The following MYO16 variants were observed in gnomAD, a reference collection of about 807,000 sequenced individuals.
The protein encoded by MYO16 is unconventional myosin-XVI.
In MYO16, 94 loss-of-function variants were observed where a neutral mutation model predicts 205.3. The observed-to-expected ratio is 0.46, with a 90% CI of 0.39 to 0.54. The LOEUF (loss-of-function observed/expected upper bound fraction) is 0.54. MYO16 is among the 20% of genes least tolerant of loss of function. MYO16 has a pLI of 0.00. For synonymous variants in MYO16, 988 were observed against 954.0 expected (o/e 1.04, Z -0.66); for missense variants, 2,315 against 2,387.5 (o/e 0.97, Z 0.63).
intron 31 of MYO16, among the ~76,000 whole-genome samples, chr13:109,133,542 G>A (rs755018154): frequency 2.6e-5 from 4 of 152,126 alleles, no homozygotes; most frequent in Non-Finnish European, 5.9e-5. Context: ...ACACATGTCC[G>A]TATCATTCTG....
Position 108,603,553 on chromosome 13 carries a change from T to C in MYO16, c.-39+7314T>C, listed in dbSNP as rs1258269775. ...TAGTTCATTGTCTTTACATTTTAAA[T>C]TTAAGCTACTTTTTTTTCTTTCAAT... is the stretch of plus-strand genomic sequence containing the variant. On this transcript the variant is annotated intron_variant, in intron 1 of 24. Coordinates refer to the MYO16 transcript ENST00000251041. Among the ~76,000 whole-genome samples the C allele has an allele frequency of 2.0e-5, 3 of 152,316 alleles. No homozygotes were observed. In the East Asian group the frequency reaches 5.8e-4, roughly 29 times the overall value.
At chr13:108,899,796 G>A (rs1038152761) in intron 15 of MYO16, among the ~76,000 whole-genome samples, 44 of 152,332 alleles carry the variant, frequency 2.9e-4, no homozygotes, top group African/African-American at 8.7e-4. Context: ...TGAAAGCTCC[G>A]TGTTCCAGCC....
At chr13:108,844,562 A>G (rs1877420632) in intron 10 of MYO16, 69 bp downstream of exon 10, 4 of 1,429,882 alleles carry the variant, frequency 2.8e-6, no homozygotes, top group Admixed American at 2.3e-5. Flanking sequence ...AAAATCCAAC[A>G]TATTTCAAAA....
At chr13:108,551,475 A>C in the MYO16 span, among the ~76,000 whole-genome samples, 1 of 151,954 alleles carries the variant, frequency 6.6e-6, no homozygotes, top group Non-Finnish European at 1.5e-5. Context: ...TTTCCATCTC[A>C]CCAGTCCTAC....
At chr13:109,174,748 C>CTTTTTTTTTT (rs34606084) in intron 33 of MYO16, among the ~76,000 whole-genome samples, 2 of 85,630 alleles carry the variant, frequency 2.3e-5, no homozygotes, top group Non-Finnish European at 2.5e-5. Flanking sequence ...CTTGTCTTGT[C>CTTTTTTTTTT]TTTTTTTTTT....
intron 4 of MYO16, among the ~76,000 whole-genome samples, chr13:108,755,995 G>C (rs1361747258): frequency 6.6e-6 from 1 of 152,136 alleles, no homozygotes; most frequent in Non-Finnish European, 1.5e-5. Context: ...TAGCATTATA[G>C]TCACAGTCCT....
chr13:108,651,754 C>G (rs1881015150), intron 1 of MYO16, among the ~76,000 whole-genome samples: 1 of 152,172 alleles, frequency 6.6e-6, no homozygotes, highest in Non-Finnish European at 1.5e-5. Flanking sequence ...ATTTCTCTGT[C>G]TTTCAGAGAA....
the MYO16 span, among the ~76,000 whole-genome samples, chr13:108,559,567 G>C: frequency 1.4e-5 from 2 of 142,918 alleles, no homozygotes; most frequent in Non-Finnish European, 3.0e-5. Context: ...TCCACCTTCT[G>C]GGTTCATGTC....
At chr13:108,995,022 G>A (rs1884959030) in intron 21 of MYO16, among the ~76,000 whole-genome samples, 1 of 152,194 alleles carries the variant, frequency 6.6e-6, no homozygotes, top group Admixed American at 6.5e-5. Flanking sequence ...TAAAAGATGA[G>A]ATACTACAGC....
intron 31 of MYO16, among the ~76,000 whole-genome samples, chr13:109,131,995 C>A (rs1313654570): frequency 6.6e-6 from 1 of 152,148 alleles, no homozygotes; most frequent in Non-Finnish European, 1.5e-5. Flanking sequence ...AGTTAAGAAG[C>A]AAAGGACTGT....
At chr13:108,571,021 T>A in the MYO16 span, among the ~76,000 whole-genome samples, 1 of 152,078 alleles carries the variant, frequency 6.6e-6, no homozygotes, top group Non-Finnish European at 1.5e-5. Flanking sequence ...TAATTTTGGG[T>A]TTTTGGTATA....
intron 1 of MYO16, among the ~76,000 whole-genome samples, chr13:108,647,295 A>G (rs377440034): frequency 6.6e-6 from 1 of 152,118 alleles, no homozygotes; most frequent in Non-Finnish European, 1.5e-5. Flanking sequence ...ATTAGTGCAT[A>G]TGCTTCGGGA....
chr13:108,932,635 A>T (rs999577861), intron 16 of MYO16, among the ~76,000 whole-genome samples: 1 of 152,156 alleles, frequency 6.6e-6, no homozygotes, highest in African/African-American at 2.4e-5. Context: ...AGGGATAGAC[A>T]TTTATTTTCC....
chr13:108,562,975 GT>G, the MYO16 span, among the ~76,000 whole-genome samples: 4 of 152,124 alleles, frequency 2.6e-5, no homozygotes, highest in Admixed American at 2.6e-4. Flanking sequence ...GTGAAATTTT[GT>G]TATTAATCTC....
In MYO16 at chr13:108,798,681, G is replaced by A. The variant is rs549996919; in HGVS notation, c.741+5041G>A. Among the ~76,000 whole-genome samples, 28 of 144,718 alleles carry A rather than the reference G, an allele frequency of 1.9e-4. No individual in the cohort carries two copies. The East Asian group carries it at 4.3e-3, about 22-fold the overall frequency. 94.9% of individuals were successfully genotyped at this position (144,718 alleles called of 152,430 possible). A position where few individuals can be genotyped will look rare whatever the true frequency, so the allele number is the denominator to read the frequency against. ...AATTTGATATATCACATCTGGCCCC[G>A]AGGCTTATTTTTTTTTTTTTTTTTT... is the stretch of plus-strand genomic sequence containing the variant. On this transcript the variant is annotated intron_variant, in intron 6 of 34. Transcript: ENST00000457511.
At chr13:109,181,598 C>T (rs992042727) in intron 34 of MYO16, among the ~76,000 whole-genome samples, 6 of 152,036 alleles carry the variant, frequency 3.9e-5, no homozygotes, top group Non-Finnish European at 2.9e-5. Context: ...TTAATAAACT[C>T]CCTTCAAGGA....
At chr13:109,005,995 AG>A (rs1885376288) in intron 21 of MYO16, among the ~76,000 whole-genome samples, 2 of 152,038 alleles carry the variant, frequency 1.3e-5, no homozygotes, top group Admixed American at 6.6e-5. Flanking sequence ...TCCCTTTGGG[AG>A]GATATGGAGT....
chr13:108,504,443 T>C, the MYO16 span, among the ~76,000 whole-genome samples: 1 of 151,172 alleles, frequency 6.6e-6, no homozygotes, highest in Admixed American at 6.6e-5. Context: ...TCTAGGAGTG[T>C]TAATCTTGCA....
chr13:109,198,555 ATTATG>A (rs1260223557), intron 34 of MYO16, among the ~76,000 whole-genome samples: 3 of 152,188 alleles, frequency 2.0e-5, no homozygotes, highest in South Asian at 2.1e-4. Context: ...AAAAGAATAT[ATTATG>A]TTATATTTAT....
Sources: gnomAD v4.1 joint callset for allele counts (sites outside exome capture counted in the v4.1 genomes callset) on GRCh38, gnomAD v4.1.1 for gene constraint, MANE v1.5 for transcripts, NCBI Gene and HGNC (gene_info 2026-07-23, HGNC 2026-07-21) for gene names.